The following LNX1 variants were observed in gnomAD, a reference collection of about 807,000 sequenced individuals.
LNX1 encodes ligand of numb-protein X 1, also known as E3 ubiquitin-protein ligase LNX.
LNX1 carries 54 observed loss-of-function variants against 68.4 expected under a neutral mutation model. The ratio of observed to expected loss-of-function variants is 0.79; its 90% CI spans 0.63 to 0.99. The LOEUF is 0.99. LNX1 is among the 50% of genes least tolerant of loss of function. The pLI is 0.00. For synonymous variants in LNX1, 336 were observed against 350.0 expected, an observed-to-expected ratio of 0.96 and a Z score of 0.45; for missense variants, 906 against 926.4, an observed-to-expected ratio of 0.98 and a Z score of 0.29.
At chr4:53,484,507 G>A (rs1187836443) in intron 6 of LNX1, among the ~76,000 whole-genome samples, 1 of 151,716 alleles carries the variant, frequency 6.6e-6, no homozygotes, top group African/African-American at 2.4e-5. Flanking sequence ...AGGTTGCAGC[G>A]AACCGAGATT....
chr4:53,491,618 G>A (rs1724679306), intron 6 of LNX1, among the ~76,000 whole-genome samples: 1 of 152,024 alleles, frequency 6.6e-6, no homozygotes, highest in African/African-American at 2.4e-5. Context: ...AAGCAGATTT[G>A]GTGCTTCTTT....
intron 2 of LNX1, among the ~76,000 whole-genome samples, chr4:53,548,722 C>T (rs189772300): frequency 1.1e-4 from 16 of 152,218 alleles, no homozygotes; most frequent in East Asian, 5.8e-4. Context: ...GACATATGCA[C>T]GCAAATGTTC....
chr4:53,607,252 A>G (rs967914780), intron 2 of LNX1, among the ~76,000 whole-genome samples: 11 of 152,234 alleles, frequency 7.2e-5, no homozygotes, highest in Non-Finnish European at 5.9e-5. Context: ...CTGATAAACA[A>G]CTTAGCAAAG....
chr4:53,542,105 CAT>C (rs1351578218), intron 2 of LNX1, among the ~76,000 whole-genome samples: 3 of 152,144 alleles, frequency 2.0e-5, no homozygotes, highest in East Asian at 3.8e-4. Flanking sequence ...AGGCCAACAA[CAT>C]GTGATAGTGA....
chr4:53,491,890 C>A (rs545129391), intron 6 of LNX1, among the ~76,000 whole-genome samples: 1 of 151,364 alleles, frequency 6.6e-6, no homozygotes, highest in African/African-American at 2.4e-5. Context: ...CTTCACCTCC[C>A]GGGTTCAAGT....
Position 53,496,370 on chromosome 4 carries a change from CA to C in LNX1, c.1002del (p.Asn334LysfsTer20). On this transcript the variant is annotated frameshift_variant, in exon 6 of 11. Coordinates refer to ENST00000263925, the MANE Select transcript of LNX1 (RefSeq NM_001126328.3). LOFTEE classifies it high-confidence loss of function. Reference protein sequence around the residue: ...ILKVNGMDISNVPHNYAVRLL... With the variant: ...ILKVNGMDISXVPHNYAVRLL... ...AGACGCACAGCGTAGTTGTGAGGGA[CA>C]TTGCTGATGTCCATCCCGTTGACCT... 6.2e-7 allele frequency: 1 copy of C among 1,612,142 alleles called. No individual in the cohort carries two copies. The highest frequency in any genetic ancestry group is 8.5e-7 in the Non-Finnish European group (1 of 1,178,634).
At chr4:53,495,995 T>A (rs1315785648) in intron 6 of LNX1, 28 bp downstream of exon 6, 2 of 1,592,958 alleles carry the variant, frequency 1.3e-6, no homozygotes, top group Admixed American at 1.7e-5. Flanking sequence ...GGTTTCTGAC[T>A]GGGATCCTGG....
At chr4:53,469,650 A>T (rs1292636542) in intron 9 of LNX1, among the ~76,000 whole-genome samples, 1 of 151,912 alleles carries the variant, frequency 6.6e-6, no homozygotes, top group East Asian at 1.9e-4. Flanking sequence ...AAAAAATGAC[A>T]AAGGGGATAT....
chr4:53,575,729 G>T, intron 1 of LNX1: 1 of 1,458,288 alleles, frequency 6.9e-7, no homozygotes, highest in Non-Finnish European at 9.1e-7. Context: ...TGCTGTGGGG[G>T]CCACAGCTCT....
upstream of LNX1, among the ~76,000 whole-genome samples, chr4:53,617,925 T>C (rs1733738195): frequency 6.6e-6 from 1 of 152,214 alleles, no homozygotes; most frequent in Non-Finnish European, 1.5e-5. Flanking sequence ...AAGACCTCTT[T>C]TTTCCCTGGA....
intron 2 of LNX1, among the ~76,000 whole-genome samples, chr4:53,517,442 C>A (rs1476093017): frequency 6.6e-6 from 1 of 152,174 alleles, no homozygotes; most frequent in East Asian, 1.9e-4. Context: ...TAGGTCCTAT[C>A]CCTGCTAATT....
intron 2 of LNX1, among the ~76,000 whole-genome samples, chr4:53,557,482 A>G (rs1466093979): frequency 1.3e-5 from 2 of 152,016 alleles, no homozygotes; most frequent in East Asian, 3.9e-4. Context: ...CAATAAAGGG[A>G]CGATGCCTGC....
chr4:53,484,056 G>T (rs370583967), intron 6 of LNX1, among the ~76,000 whole-genome samples: 2 of 152,136 alleles, frequency 1.3e-5, no homozygotes, highest in African/African-American at 4.8e-5. Context: ...TACCATGTAA[G>T]GACAAAGTGA....
At chr4:53,511,236 G>A (rs1726310962) in intron 2 of LNX1, among the ~76,000 whole-genome samples, 1 of 152,234 alleles carries the variant, frequency 6.6e-6, no homozygotes, top group African/African-American at 2.4e-5. Context: ...GAGACAGAGT[G>A]ATCTATGAAG....
chr4:53,519,620 A>C (rs1727054567), intron 2 of LNX1, among the ~76,000 whole-genome samples: 1 of 151,164 alleles, frequency 6.6e-6, no homozygotes, highest in Non-Finnish European at 1.5e-5. Context: ...GCTCTGTCTG[A>C]GATCTTGTTG....
chr4:53,629,845 G>A (rs183726813), intron 1 of LNX1, among the ~76,000 whole-genome samples: 1 of 152,138 alleles, frequency 6.6e-6, no homozygotes, highest in East Asian at 1.9e-4. Flanking sequence ...TTGCAGGTAC[G>A]CCTTGGTTTG....
intron 2 of LNX1, among the ~76,000 whole-genome samples, chr4:53,532,475 A>G (rs1458097176): frequency 1.3e-5 from 2 of 152,052 alleles, no homozygotes; most frequent in East Asian, 3.8e-4. Context: ...GAATAAATAA[A>G]ATAAAAAAAA....
chr4:53,599,656 A>G (rs939100501), intron 2 of LNX1, among the ~76,000 whole-genome samples: 4 of 152,278 alleles, frequency 2.6e-5, no homozygotes, highest in African/African-American at 9.6e-5. Flanking sequence ...TAACAGTGCC[A>G]GTTGACTATA....
At chr4:53,497,286 T>C (rs1190618729) in intron 5 of LNX1, among the ~76,000 whole-genome samples, 1 of 152,222 alleles carries the variant, frequency 6.6e-6, no homozygotes, top group Non-Finnish European at 1.5e-5. Context: ...CAGCAATTGC[T>C]GCACTCTGTG....
Sources: allele counts gnomAD v4.1 joint callset (sites outside exome capture counted in the v4.1 genomes callset), GRCh38; gene constraint gnomAD v4.1.1; transcripts MANE v1.5; gene names NCBI Gene and HGNC (gene_info 2026-07-23, HGNC 2026-07-21).